Variants in DPP4 observed in about 807,000 individuals in gnomAD.
DPP4 encodes dipeptidyl peptidase 4.
Under a neutral mutation model 122.4 loss-of-function variants are expected in DPP4, and 93 were observed. That is an observed-to-expected ratio of 0.76 (90% CI 0.64 to 0.90). The LOEUF is 0.90. DPP4 is among the 40% of genes least tolerant of loss of function. DPP4 has a pLI of 0.00. For missense variants in DPP4, 914 were observed against 907.3 expected (o/e 1.01, Z -0.09); for synonymous variants, 321 against 302.9 (o/e 1.06, Z -0.62).
chr2:162,037,803 A>C (rs1025359846), intron 8 of DPP4, among the ~76,000 whole-genome samples: 1 of 151,936 alleles, frequency 6.6e-6, no homozygotes, highest in African/African-American at 2.4e-5. Context: ...TTGCTTTTTT[A>C]TTCTTAAAAA....
chr2:162,004,752 A>T (rs1318515643), intron 23 of DPP4, among the ~76,000 whole-genome samples: 1 of 152,250 alleles, frequency 6.6e-6, no homozygotes, highest in Non-Finnish European at 1.5e-5. Flanking sequence ...TAGGGATGAC[A>T]TCTTACAAAA....
At chr2:162,024,229 T>A (rs999045590) in intron 11 of DPP4, among the ~76,000 whole-genome samples, 4 of 152,250 alleles carry the variant, frequency 2.6e-5, no homozygotes, top group Non-Finnish European at 4.4e-5. Context: ...ACCGTCATCC[T>A]AGTTGGACCT....
At chr2:162,046,852 C>T (rs1053886599) in intron 4 of DPP4, 63 bp downstream of exon 4, 3 of 1,066,922 alleles carry the variant, frequency 2.8e-6, no homozygotes, top group Non-Finnish European at 4.4e-6. Context: ...ACTCGTGATT[C>T]CAAAGGTAAT....
intron 11 of DPP4, 116 bp from the exon 12 acceptor site, chr2:162,022,915 A>C: frequency 2.0e-6 from 2 of 992,528 alleles, no homozygotes; most frequent in Non-Finnish European, 3.2e-6. Context: ...AGCTATCTCC[A>C]TTCATATATT....
intron 23 of DPP4, among the ~76,000 whole-genome samples, chr2:161,997,841 C>T (rs986104851): frequency 1.3e-5 from 2 of 152,190 alleles, no homozygotes; most frequent in African/African-American, 2.4e-5. Context: ...AACCTGCACC[C>T]GGTCACAACT....
chr2:162,061,289 C>T (rs996325012), intron 2 of DPP4, among the ~76,000 whole-genome samples: 1 of 152,296 alleles, frequency 6.6e-6, no homozygotes, highest in South Asian at 2.1e-4. Flanking sequence ...GAAATACTTA[C>T]CTGATCCTGC....
chr2:162,062,050 C>T (rs1050611500), intron 2 of DPP4, among the ~76,000 whole-genome samples: 1 of 151,982 alleles, frequency 6.6e-6, no homozygotes, highest in African/African-American at 2.4e-5. Flanking sequence ...AGGCAAATCA[C>T]CTGAGGTCAG....
chr2:162,048,473 G>A (rs917785732), intron 2 of DPP4, among the ~76,000 whole-genome samples: 2 of 152,012 alleles, frequency 1.3e-5, no homozygotes, highest in Admixed American at 1.3e-4. Context: ...ACAGGAACAA[G>A]ATTAACACTC....
intron 2 of DPP4, among the ~76,000 whole-genome samples, chr2:162,051,428 G>A (rs940238166): frequency 6.6e-6 from 1 of 152,124 alleles, no homozygotes; most frequent in African/African-American, 2.4e-5. Context: ...GACATATAAT[G>A]TTTCCACTCC....
intron 2 of DPP4, among the ~76,000 whole-genome samples, chr2:162,066,477 C>T (rs991899781): frequency 5.3e-5 from 8 of 152,150 alleles, no homozygotes; most frequent in Admixed American, 5.2e-4. Context: ...GTCTGCCGGT[C>T]CTCTCTATCC....
At chr2:162,021,978 T>C (rs1354696829) in intron 12 of DPP4, among the ~76,000 whole-genome samples, 1 of 152,170 alleles carries the variant, frequency 6.6e-6, no homozygotes, top group African/African-American at 2.4e-5. Flanking sequence ...CTCACCTCTA[T>C]GATCCAAGAG....
intron 2 of DPP4, among the ~76,000 whole-genome samples, chr2:162,058,559 T>C (rs1452771554): frequency 6.6e-6 from 1 of 152,248 alleles, no homozygotes; most frequent in Non-Finnish European, 1.5e-5. Context: ...ATAAACTCTA[T>C]ATTTAATCGT....
At chr2:162,062,509 C>A (rs1014937492) in intron 2 of DPP4, among the ~76,000 whole-genome samples, 1 of 152,108 alleles carries the variant, frequency 6.6e-6, no homozygotes, top group Admixed American at 6.5e-5. Context: ...CAGCTGGAGG[C>A]TCTGGGGAAA....
Position 162,030,733 on chromosome 2 carries a change from T to C in DPP4, c.887+2808A>G, listed in dbSNP as rs544453611. On this transcript the variant is annotated intron_variant, in intron 10 of 25. Coordinates refer to ENST00000360534, the MANE Select transcript of DPP4 (RefSeq NM_001935.4). ...TGTTAACAGAGACCAGAGCTATATT[T>C]TAACCGCAACCTTACCAGCGTTAAC... Among the ~76,000 whole-genome samples the C allele has an allele frequency of 1.1e-4, 17 of 152,230 alleles. No homozygotes were observed. The East Asian group carries it at 2.3e-3, about 21-fold the overall frequency.
At chr2:162,064,381 T>C (rs2106156395) in intron 2 of DPP4, among the ~76,000 whole-genome samples, 1 of 152,308 alleles carries the variant, frequency 6.6e-6, no homozygotes. Context: ...AAACAAAGAT[T>C]TGAGTCATCA....
intron 1 of DPP4, 147 bp downstream of exon 1, chr2:162,073,829 C>T: frequency 9.2e-7 from 1 of 1,085,190 alleles, no homozygotes. Flanking sequence ...AGCTCTGGGA[C>T]GTCCCTTCAC....
chr2:162,008,584 A>C lies in DPP4; in HGVS notation c.1965T>G (p.Pro655=). The C allele has an allele frequency of 1.2e-6, 2 of 1,613,622 alleles. No individual in the cohort carries two copies. Among genetic ancestry groups the C allele is most frequent in the Non-Finnish European group, 1.7e-6 (2 of 1,179,664 alleles). The part of the protein sequence containing the change: ...GVFKCGIAVA[P]VSRWEYYDSV... ...TACCATAGTACTCCCACCGGGATAC[A>C]GGCGCCACGGCTATTCCACACTTGA... The change falls in exon 22 of 26, where the codon CCT becomes CCG. Residue 655 remains proline, a synonymous_variant. Transcript: ENST00000360534.
intron 8 of DPP4, among the ~76,000 whole-genome samples, chr2:162,037,969 A>G (rs1278908960): frequency 6.6e-6 from 1 of 152,128 alleles, no homozygotes; most frequent in African/African-American, 2.4e-5. Flanking sequence ...CGGGTTAGGT[A>G]GGCTTAATTA....
chr2:162,060,999 T>TC, intron 2 of DPP4, among the ~76,000 whole-genome samples: 1 of 54,994 alleles, frequency 1.8e-5, no homozygotes, highest in South Asian at 6.8e-4. Context: ...CCTCCCTCCC[T>TC]CCCTCCCTCC....
Sources: gnomAD v4.1 joint callset for allele counts (sites outside exome capture counted in the v4.1 genomes callset) on GRCh38, gnomAD v4.1.1 for gene constraint, MANE v1.5 for transcripts, NCBI Gene and HGNC (gene_info 2026-07-23, HGNC 2026-07-21) for gene names.